The following HTRA2 variants were observed in gnomAD, a reference collection of about 807,000 sequenced individuals.
The protein encoded by HTRA2 is HtrA serine peptidase 2.
A neutral mutation model predicts 42.2 loss-of-function variants in HTRA2; 24 were observed. The observed-to-expected ratio is 0.57, with a 90% confidence interval of 0.41 to 0.80. The LOEUF (loss-of-function observed/expected upper bound fraction) is 0.80, where lower values mean the gene tolerates loss of function less well. Ranked by LOEUF, HTRA2 falls within the 30% of genes least tolerant of loss-of-function variation. The pLI, the probability that HTRA2 is intolerant of heterozygous loss-of-function variation, is 0.00. For synonymous variants in HTRA2, 245 were observed against 255.8 expected, an observed-to-expected ratio of 0.96 and a Z score of 0.40; for missense variants, 466 against 613.5, an observed-to-expected ratio of 0.76 and a Z score of 2.54.
rs772527738 is a variant in HTRA2 at position 74,530,102 on chromosome 2, C to T, written c.96C>T (p.Thr32=). Residue 32 remains threonine (T), a synonymous_variant, in exon 1 of 8, where the codon ACC becomes ACT. Coordinates refer to ENST00000258080, the MANE Select transcript of HTRA2 (RefSeq NM_013247.5). The surrounding 1 kb of genome is among the most constrained non-coding windows in gnomAD (Gnocchi z 7.4). ...GCTGGGGGAGGAGACCCCGTTTGAC[C>T]CCTGACCTCCGGGCCCTGCTGACGT... The part of the protein sequence containing the change: ...GIRWGRRPRL[T]PDLRALLTSG... 2.5e-6 allele frequency: 4 copies of T among 1,606,496 alleles called. No homozygotes were observed. Among genetic ancestry groups the T allele is most frequent in the African/African-American group, 2.7e-5 (2 of 74,756 alleles).
upstream of HTRA2, chr2:74,529,540 G>GA (rs757103628): frequency 1.3e-4 from 209 of 1,550,270 alleles, no homozygotes; most frequent in Non-Finnish European, 1.7e-4. Flanking sequence ...CGAAGGCCGA[G>GA]AGCACGCGGG....
rs776054014 is a variant in HTRA2 at position 74,530,311 on chromosome 2, G to C, written c.305G>C (p.Arg102Pro). Residue 102 changes from arginine (R) to proline (P), a missense_variant, in exon 1 of 8, where the codon CGT becomes CCT. Physicochemically the swap from Arg to Pro is moderately radical, Grantham distance 103 (BLOSUM62 -2). This residue lies in a region of HTRA2 where 222 missense variants were observed against 205.1 expected (regional missense o/e 1.08). Coordinates refer to ENST00000258080, the MANE Select transcript of HTRA2 (RefSeq NM_013247.5). This position sits in a 1 kb window ranked among gnomAD's most constrained non-coding sequence, Gnocchi z 7.4. ...TREASENSGT[R>P]SRAWLAVALG... ...GAGGCCTCAGAGAACTCTGGAACCC[G>C]TTCGCGCGCGTGGCTGGCGGTGGCG... 1.3e-6 allele frequency: 2 copies of C among 1,598,514 alleles called. No individual in the cohort carries two copies. The highest frequency in any genetic ancestry group is 1.7e-4 in the Middle Eastern group (1 of 6,024).
rs1264927979 is a variant in HTRA2 at position 74,530,377 on chromosome 2, G to A, written c.371G>A (p.Gly124Glu). Residue 124 changes from glycine (G) to glutamate (E), a missense_variant, in exon 1 of 8, where the codon GGG (glycine) becomes GAG (glutamate). Physicochemically the swap from Gly to Glu is moderately conservative, Grantham distance 98. Around this residue, in one of 3 missense-constraint regions of HTRA2, gnomAD observed 222 missense variants for 205.1 expected, o/e 1.08. Transcript: ENST00000258080. The surrounding 1 kb of genome is among the most constrained non-coding windows in gnomAD (Gnocchi z 7.4). ...GGAVLLLLWGGGRGPPAVLAA... is the reference protein window; with the variant it reads ...GGAVLLLLWGEGRGPPAVLAA... ...GCAGTGCTGTTGTTGTTGTGGGGCG[G>A]GGGTCGGGGTCCTCCGGCCGTCCTC... 6 of 1,591,446 alleles carry A rather than the reference G, an allele frequency of 3.8e-6. No homozygotes were observed. Among genetic ancestry groups the A allele is most frequent in the Non-Finnish European group, 8.5e-7 (1 of 1,170,648 alleles).
At position 74,532,989 on chromosome 2, in the gene HTRA2, G is replaced by C. The variant is rs71640294; in HGVS notation, c.*4G>C. The C allele has an allele frequency of 6.2e-7, 1 of 1,613,466 alleles. No individual in the cohort carries two copies. The highest frequency in any genetic ancestry group is 1.7e-5 in the Admixed American group (1 of 59,994). The stretch of plus-strand genomic sequence containing the variant: ...GACCCCTGAGGTCACAGAATGAATA[G>C]ATCACCAAGAGTATGAGGCTCCTGC... On this transcript the variant is annotated 3_prime_UTR_variant, in exon 8 of 8. Coordinates refer to ENST00000258080, the MANE Select transcript of HTRA2 (RefSeq NM_013247.5).
At chr2:74,529,732 T>TG, upstream of HTRA2, 1 of 1,521,090 alleles carries the variant, frequency 6.6e-7, no homozygotes, top group African/African-American at 1.4e-5. Flanking sequence ...CCGCCCGGGG[T>TG]GAGGGGACCC....
Position 74,532,995 on chromosome 2 carries a change from C to G in HTRA2, c.*10C>G. The G allele has an allele frequency of 4.3e-6, 7 of 1,612,846 alleles. No homozygotes were observed. Among genetic ancestry groups the G allele is most frequent in the Non-Finnish European group, 5.1e-6 (6 of 1,179,262 alleles). ...TGAGGTCACAGAATGAATAGATCACCAAGAGTATGAGGCTCCTGCTCTGAT... is the reference window on the plus strand; with the variant it reads ...TGAGGTCACAGAATGAATAGATCACGAAGAGTATGAGGCTCCTGCTCTGAT... On this transcript the variant is annotated 3_prime_UTR_variant, in exon 8 of 8. Transcript: ENST00000258080.
At position 74,530,566 on chromosome 2, in the gene HTRA2, G is replaced by C; in HGVS notation, c.507-51G>C. 1 of 1,613,656 alleles carries C rather than the reference G, an allele frequency of 6.2e-7. No individual in the cohort carries two copies. Among genetic ancestry groups the C allele is most frequent in the Non-Finnish European group, 8.5e-7 (1 of 1,179,992 alleles). ...TGAAGCCACAGGCTGGAGGGCGGGC[G>C]GGTAGGAGGGGTCAGAGCCTCCTCT... On this transcript the variant is annotated intron_variant, in intron 1 of 7. Transcript: ENST00000258080. The surrounding 1 kb of genome is among the most constrained non-coding windows in gnomAD (Gnocchi z 7.4).
Position 74,533,195 on chromosome 2 carries a change from A to G in HTRA2, c.*210A>G, listed in dbSNP as rs1368105516. ...TAGCAACATATTATAGTAAAAAATGAGGTGGGAGGGCTGGATCTTTTCCCC... is the reference window on the plus strand; with the variant it reads ...TAGCAACATATTATAGTAAAAAATGGGGTGGGAGGGCTGGATCTTTTCCCC... On this transcript the variant is annotated 3_prime_UTR_variant, in exon 8 of 8. Coordinates refer to ENST00000258080, the MANE Select transcript of HTRA2 (RefSeq NM_013247.5). 17 of 588,126 alleles carry G rather than the reference A, an allele frequency of 2.9e-5. No homozygotes were observed. Among genetic ancestry groups the G allele is most frequent in the Non-Finnish European group, 4.2e-5 (14 of 333,616 alleles). 36.4% of individuals were successfully genotyped at this position (588,126 alleles called of 1,614,324 possible). A position where few individuals can be genotyped will look rare whatever the true frequency, so the allele number is the denominator to read the frequency against.
At position 74,530,575 on chromosome 2, in the gene HTRA2, G is replaced by A. The variant is rs1402476211; in HGVS notation, c.507-42G>A. On this transcript the variant is annotated intron_variant, in intron 1 of 7. Transcript: ENST00000258080. This position sits in a 1 kb window ranked among gnomAD's most constrained non-coding sequence, Gnocchi z 7.4. ...AGGCTGGAGGGCGGGCGGGTAGGAG[G>A]GGTCAGAGCCTCCTCTTATCTGTGC... 4 of 1,613,610 alleles carry A rather than the reference G, an allele frequency of 2.5e-6. No homozygotes were observed. Among genetic ancestry groups the A allele is most frequent in the African/African-American group, 2.7e-5 (2 of 74,930 alleles).
chr2:74,532,990 A>G lies in HTRA2; in HGVS notation c.*5A>G, dbSNP rs887946675. Reference sequence around the variant, plus strand: ...ACCCCTGAGGTCACAGAATGAATAGATCACCAAGAGTATGAGGCTCCTGCT... The same window carrying G: ...ACCCCTGAGGTCACAGAATGAATAGGTCACCAAGAGTATGAGGCTCCTGCT... On this transcript the variant is annotated 3_prime_UTR_variant, in exon 8 of 8. Transcript: ENST00000258080. The G allele has an allele frequency of 3.7e-6, 6 of 1,613,422 alleles. No individual in the cohort carries two copies. The highest frequency in any genetic ancestry group is 2.7e-5 in the African/African-American group (2 of 74,806).
chr2:74,529,673 T>C (rs2104362924), upstream of HTRA2: 2 of 1,543,206 alleles, frequency 1.3e-6, no homozygotes, highest in Non-Finnish European at 8.7e-7. Flanking sequence ...CCGCCGCCAT[T>C]TTCGCGCCCG....
chr2:74,532,743 G>C (rs777365100), intron 7 of HTRA2, 29 bp downstream of exon 7: 2 of 1,612,336 alleles, frequency 1.2e-6, no homozygotes, highest in Admixed American at 3.3e-5. Flanking sequence ...TGTGATATGG[G>C]GATGGGCAAG....
chr2:74,531,715 T>C lies in HTRA2; in HGVS notation c.1045+13T>C. 6.2e-7 allele frequency: 1 copy of C among 1,613,750 alleles called. No individual in the cohort carries two copies. The highest frequency in any genetic ancestry group is 8.5e-7 in the Non-Finnish European group (1 of 1,180,008). On this transcript the variant is annotated intron_variant, in intron 5 of 7. Coordinates refer to ENST00000258080, the MANE Select transcript of HTRA2 (RefSeq NM_013247.5). Reference sequence around the variant, plus strand: ...GGGGAAAAGAAGAGTGAGCCTGCCTTATGGGGAAACGGGTTCCTTTAATGT... The same window carrying C: ...GGGGAAAAGAAGAGTGAGCCTGCCTCATGGGGAAACGGGTTCCTTTAATGT...
downstream of HTRA2, chr2:74,533,500 A>G (rs1675777103): frequency 8.5e-6 from 8 of 937,584 alleles, no homozygotes; most frequent in Non-Finnish European, 1.4e-5. Flanking sequence ...GCATGGTCTG[A>G]TGAGTGCGGT....
rs1255532135 is a variant in HTRA2 at position 74,530,253 on chromosome 2, C to A, written c.247C>A (p.Leu83Met). Residue 83 changes from leucine to methionine, a missense_variant, in exon 1 of 8, where the codon CTG becomes ATG. Coordinates refer to ENST00000258080, the MANE Select transcript of HTRA2 (RefSeq NM_013247.5). This position sits in a 1 kb window ranked among gnomAD's most constrained non-coding sequence, Gnocchi z 7.4. ...TGGGACCCCGGGTCCCCGGGCACAA[C>A]TGACTGCGGTGACCCCAGATACCAG... is the stretch of plus-strand genomic sequence containing the variant. ...TSGTPGPRAQLTAVTPDTRTR... is the reference protein window; with the variant it reads ...TSGTPGPRAQMTAVTPDTRTR... 1 of 1,609,350 alleles carries A rather than the reference C, an allele frequency of 6.2e-7. No individual in the cohort carries two copies. Among genetic ancestry groups the A allele is most frequent in the Admixed American group, 1.7e-5 (1 of 59,690 alleles).
rs537268660 is a variant in HTRA2 at position 74,533,316 on chromosome 2, G to T, written c.*331G>T. On this transcript the variant is annotated 3_prime_UTR_variant, in exon 8 of 8. Transcript: ENST00000258080. ...CTCCTATTAAAGAAAATGAGCTGCTGCCATCTTTTGTGGGCAGTTAGTCAG... is the reference window on the plus strand; with the variant it reads ...CTCCTATTAAAGAAAATGAGCTGCTTCCATCTTTTGTGGGCAGTTAGTCAG... 49 of 530,838 alleles carry T rather than the reference G, an allele frequency of 9.2e-5. No individual in the cohort carries two copies. Among genetic ancestry groups the T allele is most frequent in the African/African-American group, 7.8e-4 (41 of 52,706 alleles). 32.9% of individuals were successfully genotyped at this position (530,838 alleles called of 1,614,324 possible).
chr2:74,530,567 G>A lies in HTRA2; in HGVS notation c.507-50G>A. 1 of 1,613,678 alleles carries A rather than the reference G, an allele frequency of 6.2e-7. No individual in the cohort carries two copies. The highest frequency in any genetic ancestry group is 1.1e-5 in the South Asian group (1 of 91,072). ...GAAGCCACAGGCTGGAGGGCGGGCG[G>A]GTAGGAGGGGTCAGAGCCTCCTCTT... On this transcript the variant is annotated intron_variant, in intron 1 of 7. Transcript: ENST00000258080. This position sits in a 1 kb window ranked among gnomAD's most constrained non-coding sequence, Gnocchi z 7.4.
In HTRA2 at chr2:74,533,296, A is replaced by G. The variant is rs144569464; in HGVS notation, c.*311A>G. On this transcript the variant is annotated 3_prime_UTR_variant, in exon 8 of 8. Transcript: ENST00000258080. ...CTGGAGCTGACCATCCTGACCTCCTATTAAAGAAAATGAGCTGCTGCCATC... is the reference window on the plus strand; with the variant it reads ...CTGGAGCTGACCATCCTGACCTCCTGTTAAAGAAAATGAGCTGCTGCCATC... 35 of 529,196 alleles carry G rather than the reference A, an allele frequency of 6.6e-5. No individual in the cohort carries two copies. Among genetic ancestry groups the G allele is most frequent in the African/African-American group, 5.1e-4 (27 of 52,704 alleles). 32.8% of individuals were successfully genotyped at this position (529,196 alleles called of 1,614,324 possible).
In HTRA2 at chr2:74,531,743, T is replaced by C. The variant is rs779845312; in HGVS notation, c.1045+41T>C. The C allele has an allele frequency of 3.1e-6, 5 of 1,612,458 alleles. No homozygotes were observed. The African/African-American group carries it at 6.7e-5, about 22-fold the overall frequency. ...GGGGAAACGGGTTCCTTTAATGTGG[T>C]GGAAATAGGGGAAGGGCATTCAGTG... On this transcript the variant is annotated intron_variant, in intron 5 of 7. Coordinates refer to ENST00000258080, the MANE Select transcript of HTRA2 (RefSeq NM_013247.5).
Sources: allele counts gnomAD v4.1 joint callset, GRCh38; gene constraint gnomAD v4.1.1; regional missense constraint gnomAD v4.1.1; non-coding constraint Gnocchi (gnomAD v3.1); transcripts MANE v1.5; gene names NCBI Gene and HGNC (gene_info 2026-07-23, HGNC 2026-07-21).